FBXL7: variants seen among roughly 807,000 people sequenced by gnomAD.
FBXL7 encodes the protein F-box and leucine rich repeat protein 7, also known as F-box/LRR-repeat protein 7.
FBXL7 carries 12 observed loss-of-function variants against 38.3 expected under a neutral mutation model. The ratio of observed to expected loss-of-function variants is 0.31; its 90% CI spans 0.20 to 0.51. The LOEUF is 0.51. FBXL7 is among the 20% of genes least tolerant of loss of function. The pLI, the probability that FBXL7 is intolerant of heterozygous loss-of-function variation, is 0.98. For synonymous variants in FBXL7, 297 were observed against 300.9 expected (o/e 0.99, Z 0.13); for missense variants, 567 against 676.4 (o/e 0.84, Z 1.79).
At chr5:15,787,669 A>G (rs1448996798) in intron 2 of FBXL7, among the ~76,000 whole-genome samples, 1 of 152,232 alleles carries the variant, frequency 6.6e-6, no homozygotes, top group Non-Finnish European at 1.5e-5. Context: ...TCCTCCATCT[A>G]AAATTACATT....
chr5:15,652,474 G>A (rs563304195), intron 2 of FBXL7, among the ~76,000 whole-genome samples: 2 of 152,146 alleles, frequency 1.3e-5, no homozygotes, highest in Admixed American at 6.5e-5. Context: ...CACCGTGTTA[G>A]CCCGGATGGT....
intron 2 of FBXL7, among the ~76,000 whole-genome samples, chr5:15,842,167 C>A (rs999939731): frequency 2.0e-5 from 3 of 152,206 alleles, no homozygotes; most frequent in Admixed American, 6.5e-5. Flanking sequence ...CTGAACCCTG[C>A]AAAACCACAG....
chr5:15,563,468 G>A (rs1738474749), intron 1 of FBXL7, among the ~76,000 whole-genome samples: 1 of 152,120 alleles, frequency 6.6e-6, no homozygotes, highest in Non-Finnish European at 1.5e-5. Flanking sequence ...CAACCACTGG[G>A]GCTGCTAAAG....
chr5:15,861,851 C>T (rs1383279569), intron 2 of FBXL7, among the ~76,000 whole-genome samples: 1 of 152,178 alleles, frequency 6.6e-6, no homozygotes, highest in East Asian at 1.9e-4. Context: ...CGCCATATTC[C>T]AACTCCATTT....
intron 2 of FBXL7, among the ~76,000 whole-genome samples, chr5:15,652,977 T>C (rs955078296): frequency 1.3e-5 from 2 of 152,182 alleles, no homozygotes; most frequent in Non-Finnish European, 2.9e-5. Context: ...TTTCAAAGTA[T>C]CTCATGTGCC....
intron 2 of FBXL7, among the ~76,000 whole-genome samples, chr5:15,834,380 ATTC>A (rs572962300): frequency 2.0e-4 from 30 of 152,140 alleles, no homozygotes; most frequent in Non-Finnish European, 3.8e-4. Flanking sequence ...CTGCCTATAT[ATTC>A]TTCTTATGCA....
At chr5:15,684,176 A>T (rs1331534177) in intron 2 of FBXL7, among the ~76,000 whole-genome samples, 2 of 152,150 alleles carry the variant, frequency 1.3e-5, no homozygotes, top group East Asian at 3.9e-4. Flanking sequence ...TATGGTCCTC[A>T]TTAGTCATTT....
chr5:15,830,485 A>ACAC (rs1554024729), intron 2 of FBXL7, among the ~76,000 whole-genome samples: 15,560 of 144,220 alleles, frequency 0.11, 1,135 homozygotes, highest in South Asian at 0.2. Context: ...CTCCATCTAA[A>ACAC]ACACACACAC....
intron 2 of FBXL7, among the ~76,000 whole-genome samples, chr5:15,889,853 C>A (rs1311874254): frequency 6.6e-6 from 1 of 152,066 alleles, no homozygotes; most frequent in Non-Finnish European, 1.5e-5. Flanking sequence ...ACAGCTATTC[C>A]CAACTAAAAA....
At chr5:15,820,516 G>C (rs1373495774) in intron 2 of FBXL7, among the ~76,000 whole-genome samples, 1 of 152,108 alleles carries the variant, frequency 6.6e-6, no homozygotes, top group Non-Finnish European at 1.5e-5. Context: ...CAAGCCCCAT[G>C]CAAGATGCCT....
At chr5:15,859,930 C>G (rs1170022427) in intron 2 of FBXL7, among the ~76,000 whole-genome samples, 1 of 152,196 alleles carries the variant, frequency 6.6e-6, no homozygotes, top group African/African-American at 2.4e-5. Flanking sequence ...ACATCAAACT[C>G]AGGCTTGACT....
intron 2 of FBXL7, among the ~76,000 whole-genome samples, chr5:15,727,541 G>A (rs932542670): frequency 6.6e-6 from 1 of 151,904 alleles, no homozygotes; most frequent in Non-Finnish European, 1.5e-5. Context: ...TGAATATATT[G>A]GCCAATGGCT....
At chr5:15,728,534 A>G (rs548284069) in intron 2 of FBXL7, among the ~76,000 whole-genome samples, 1 of 152,184 alleles carries the variant, frequency 6.6e-6, no homozygotes, top group Admixed American at 6.5e-5. Context: ...AGATATGGCT[A>G]TTGGAAAGAA....
chr5:15,859,288 C>T (rs1338921096), intron 2 of FBXL7, among the ~76,000 whole-genome samples: 1 of 152,152 alleles, frequency 6.6e-6, no homozygotes, highest in Non-Finnish European at 1.5e-5. Flanking sequence ...AGCATGATTA[C>T]CCCAGTTGAG....
At chr5:15,708,304 TTGGGTCTCTCAC>T (rs779445517) in intron 2 of FBXL7, among the ~76,000 whole-genome samples, 5 of 152,206 alleles carry the variant, frequency 3.3e-5, no homozygotes, top group African/African-American at 4.8e-5. Flanking sequence ...GGGAAAGGAA[TTGGGTCTCTCAC>T]TGGGTTCCCA....
At chr5:15,931,522 C>T (rs1742035595) in intron 3 of FBXL7, among the ~76,000 whole-genome samples, 1 of 152,122 alleles carries the variant, frequency 6.6e-6, no homozygotes, top group Admixed American at 6.5e-5. Flanking sequence ...ATACCCATCT[C>T]CATGGCCTCC....
At chr5:15,656,558 C>T (rs200315425) in intron 2 of FBXL7, among the ~76,000 whole-genome samples, 1 of 152,144 alleles carries the variant, frequency 6.6e-6, no homozygotes, top group East Asian at 1.9e-4. Context: ...GGAAACTGCC[C>T]CCATGATTCA....
At position 15,612,071 on chromosome 5, in the gene FBXL7, G is replaced by C. The variant is rs547852817; in HGVS notation, c.38-3912G>C. Among the ~76,000 whole-genome samples, 7 of 152,124 alleles carry C rather than the reference G, an allele frequency of 4.6e-5. No individual in the cohort carries two copies. The South Asian group carries it at 1.5e-3, about 32-fold the overall frequency. ...ATTTAAAAATGTTTTACTTATCAAAGGACATAGATTTTCAGTGGTGGTGAT... is the reference window on the plus strand; with the variant it reads ...ATTTAAAAATGTTTTACTTATCAAACGACATAGATTTTCAGTGGTGGTGAT... On this transcript the variant is annotated intron_variant, in intron 1 of 3. Coordinates refer to ENST00000504595, the MANE Select transcript of FBXL7 (RefSeq NM_012304.5).
chr5:15,556,434 G>A (rs1353967447), intron 1 of FBXL7, among the ~76,000 whole-genome samples: 1 of 152,128 alleles, frequency 6.6e-6, no homozygotes, highest in Admixed American at 6.5e-5. Flanking sequence ...GCTTTACTCA[G>A]TCACCAATTC....
Sources: gnomAD v4.1 joint callset for allele counts (sites outside exome capture counted in the v4.1 genomes callset) on GRCh38, gnomAD v4.1.1 for gene constraint, MANE v1.5 for transcripts, NCBI Gene and HGNC (gene_info 2026-07-23, HGNC 2026-07-21) for gene names.